DNAJC17: variants seen among roughly 807,000 people sequenced by gnomAD.
DNAJC17 encodes DnaJ heat shock protein family (Hsp40) member C17.
Under a neutral mutation model 48.1 loss-of-function variants are expected in DNAJC17, and 35 were observed. That is an observed-to-expected ratio of 0.73 (90% CI 0.56 to 0.96). The LOEUF (loss-of-function observed/expected upper bound fraction) is 0.96. Ranked by LOEUF, DNAJC17 falls within the 50% of genes least tolerant of loss-of-function variation. The probability of loss-of-function intolerance (pLI) is 0.00; values close to 1 mark genes in which losing one functional copy is unlikely to be tolerated. For synonymous variants in DNAJC17, 117 were observed against 142.7 expected, an observed-to-expected ratio of 0.82 and a Z score of 1.28; for missense variants, 355 against 377.1, an observed-to-expected ratio of 0.94 and a Z score of 0.48.
chr15:40,785,235 T>C (rs1189250580), intron 1 of DNAJC17, among the ~76,000 whole-genome samples: 1 of 152,158 alleles, frequency 6.6e-6, no homozygotes, highest in Non-Finnish European at 1.5e-5. Context: ...ATAGCTGATA[T>C]TTACTTTCTA....
chr15:40,804,576 A>G (rs1890154300), intron 1 of DNAJC17, among the ~76,000 whole-genome samples: 1 of 152,160 alleles, frequency 6.6e-6, no homozygotes, highest in Admixed American at 6.6e-5. Context: ...AGCCTGAATG[A>G]CAGTGAGATC....
rs369297714 is a variant in DNAJC17 at position 40,776,305 on chromosome 15, G to A, written c.382-13C>T. 9 of 1,612,584 alleles carry A rather than the reference G, an allele frequency of 5.6e-6. No individual in the cohort carries two copies. Among genetic ancestry groups the A allele is most frequent in the African/African-American group, 2.7e-5 (2 of 74,884 alleles). The stretch of plus-strand genomic sequence containing the variant: ...TCAGGCGTTCGATCTGCAGAGCAGG[G>A]GGTGGGGGTGACAATTCTGTGCAGG... On this transcript the variant is annotated splice_polypyrimidine_tract_variant and intron_variant, in intron 5 of 10. Transcript: ENST00000220496.
At position 40,779,318 on chromosome 15, in the gene DNAJC17, G is replaced by A. The variant is rs781069188; in HGVS notation, c.208-8C>T. ...GACCTTGTCATATGCAGCCTGGCAG[G>A]AGAAAGGGGCACAGGGCAGAGGGTC... On this transcript the variant is annotated splice_polypyrimidine_tract_variant and splice_region_variant and intron_variant, in intron 3 of 10. Transcript: ENST00000220496. The A allele has an allele frequency of 1.2e-6, 2 of 1,613,840 alleles. No individual in the cohort carries two copies. The highest frequency in any genetic ancestry group is 1.7e-6 in the Non-Finnish European group (2 of 1,180,010).
Position 40,770,760 on chromosome 15 carries a change from A to C in DNAJC17, c.793-2698T>G. 1 of 1,545,790 alleles carries C rather than the reference A, an allele frequency of 6.5e-7. No individual in the cohort carries two copies. ...CAAGCCCCCACGCCTCTACCGAGAGAGCTCAAGCTGCCCCAACATCCTGGA... is the reference window on the plus strand; with the variant it reads ...CAAGCCCCCACGCCTCTACCGAGAGCGCTCAAGCTGCCCCAACATCCTGGA... On this transcript the variant is annotated intron_variant, in intron 10 of 10. Coordinates refer to ENST00000220496, the MANE Select transcript of DNAJC17 (RefSeq NM_018163.3). This position sits in a 1 kb window ranked among gnomAD's most constrained non-coding sequence, Gnocchi z 5.0.
intron 1 of DNAJC17, among the ~76,000 whole-genome samples, chr15:40,787,509 C>A (rs577064561): frequency 1.3e-5 from 2 of 152,218 alleles, no homozygotes; most frequent in African/African-American, 4.8e-5. Context: ...CTTAAAAAAC[C>A]AAGTCTGGGA....
chr15:40,807,355 G>A lies in DNAJC17; in HGVS notation c.78+14C>T, dbSNP rs762806159. On this transcript the variant is annotated intron_variant, in intron 1 of 10. Coordinates refer to ENST00000220496, the MANE Select transcript of DNAJC17 (RefSeq NM_018163.3). ...AGACCTCTCAAGATCAGCCTTCCTC[G>A]CCACCGTTCTCACCTCTTTGTCCGC... 7 of 1,614,234 alleles carry A rather than the reference G, an allele frequency of 4.3e-6. No homozygotes were observed. The highest frequency in any genetic ancestry group is 5.9e-6 in the Non-Finnish European group (7 of 1,180,044).
chr15:40,800,436 A>C (rs1040305357), intron 1 of DNAJC17, among the ~76,000 whole-genome samples: 3 of 150,856 alleles, frequency 2.0e-5, no homozygotes, highest in Non-Finnish European at 3.0e-5. Flanking sequence ...GTGTTTATTG[A>C]CCATTTGTAC....
intron 1 of DNAJC17, among the ~76,000 whole-genome samples, chr15:40,789,068 C>G (rs1219332023): frequency 6.6e-6 from 1 of 152,188 alleles, no homozygotes; most frequent in African/African-American, 2.4e-5. Context: ...CAGCTCAATG[C>G]TCCCAAAACA....
Position 40,775,107 on chromosome 15 carries a change from A to G in DNAJC17, c.524T>C (p.Leu175Pro). The G allele has an allele frequency of 6.2e-7, 1 of 1,614,118 alleles. No individual in the cohort carries two copies. Among genetic ancestry groups the G allele is most frequent in the South Asian group, 1.1e-5 (1 of 91,086 alleles). The change falls in exon 8 of 11, where the codon CTA becomes CCA. Residue 175 changes from leucine to proline, a missense_variant and splice_region_variant. Physicochemically the swap from Leu to Pro is moderately conservative, Grantham distance 98 (BLOSUM62 -3). Coordinates refer to ENST00000220496, the MANE Select transcript of DNAJC17 (RefSeq NM_018163.3). ...TEGQGTPKLK[L>P]KWKCKKEDES... ...ATCCTCCTTCTTGCACTTCCATTTT[A>G]GCTGAAAAGAGAGCCTCATGAAACA...
Position 40,776,529 on chromosome 15 carries a change from C to T in DNAJC17, c.381+13G>A. ...TGCAGGTGGCCTTCTGGCCAGTGTG[C>T]CTGAGTGCTCACCTCTTGCTCTAGT... On this transcript the variant is annotated intron_variant, in intron 5 of 10. Transcript: ENST00000220496. 6.2e-7 allele frequency: 1 copy of T among 1,613,824 alleles called. No homozygotes were observed. The highest frequency in any genetic ancestry group is 8.5e-7 in the Non-Finnish European group (1 of 1,179,998).
chr15:40,794,612 C>T (rs1417515831), intron 1 of DNAJC17, among the ~76,000 whole-genome samples: 1 of 152,142 alleles, frequency 6.6e-6, no homozygotes, highest in African/African-American at 2.4e-5. Context: ...GTCAAGGCTG[C>T]AGTGAGCTAT....
At chr15:40,805,565 G>A (rs973324722) in intron 1 of DNAJC17, among the ~76,000 whole-genome samples, 2 of 136,530 alleles carry the variant, frequency 1.5e-5, no homozygotes, top group Non-Finnish European at 3.1e-5. Context: ...ATAATAGGCC[G>A]GGCACGGTGG....
chr15:40,782,658 A>G (rs930296403), intron 1 of DNAJC17, among the ~76,000 whole-genome samples: 2 of 152,086 alleles, frequency 1.3e-5, no homozygotes, highest in African/African-American at 4.8e-5. Context: ...CTAAGCTTCC[A>G]AGATGGACGC....
intron 1 of DNAJC17, among the ~76,000 whole-genome samples, chr15:40,783,632 G>C (rs1889562233): frequency 1.3e-5 from 2 of 152,208 alleles, no homozygotes; most frequent in African/African-American, 4.8e-5. Context: ...GGGAGGCCGA[G>C]GTGGGTGGAT....
chr15:40,774,828 T>A, intron 8 of DNAJC17: 1 of 625,666 alleles, frequency 1.6e-6, no homozygotes, highest in East Asian at 2.7e-5. Flanking sequence ...GACAGCGGGC[T>A]GGAAGGGGGC....
intron 1 of DNAJC17, among the ~76,000 whole-genome samples, chr15:40,806,022 C>T (rs1240199906): frequency 6.6e-6 from 1 of 151,966 alleles, no homozygotes; most frequent in Non-Finnish European, 1.5e-5. Flanking sequence ...TTTGATGCTT[C>T]ATAGACATCC....
intron 1 of DNAJC17, among the ~76,000 whole-genome samples, chr15:40,806,093 T>G (rs2141968663): frequency 6.6e-6 from 1 of 152,270 alleles, no homozygotes; most frequent in Non-Finnish European, 1.5e-5. Flanking sequence ...GTTGACAGCA[T>G]TTCTCAAGGG....
At chr15:40,798,933 T>C (rs1890004847) in intron 1 of DNAJC17, among the ~76,000 whole-genome samples, 1 of 152,072 alleles carries the variant, frequency 6.6e-6, no homozygotes, top group Non-Finnish European at 1.5e-5. Context: ...AATTTGGCGC[T>C]TGCTGGCTGG....
At chr15:40,780,223 C>G in intron 1 of DNAJC17, 1 of 654,264 alleles carries the variant, frequency 1.5e-6, no homozygotes, top group South Asian at 1.5e-5. Flanking sequence ...GCTAAGTGCT[C>G]AACCTCACCA....
Sources: gnomAD v4.1 joint callset for allele counts (sites outside exome capture counted in the v4.1 genomes callset) on GRCh38, gnomAD v4.1.1 for gene constraint, Gnocchi (gnomAD v3.1) non-coding constraint, MANE v1.5 for transcripts, NCBI Gene and HGNC (gene_info 2026-07-23, HGNC 2026-07-21) for gene names.